The following PRDM5 variants were observed in gnomAD, a reference collection of about 807,000 sequenced individuals.
PRDM5 encodes PR domain zinc finger protein 5.
In PRDM5, 56 loss-of-function variants were observed where a neutral mutation model predicts 81.2. That is an observed-to-expected ratio of 0.69 (90% CI 0.56 to 0.86). The LOEUF (loss-of-function observed/expected upper bound fraction) is 0.86, where lower values mean the gene tolerates loss of function less well. Ranked by LOEUF, PRDM5 falls within the 40% of genes least tolerant of loss-of-function variation. PRDM5 has a pLI of 0.00. For synonymous variants in PRDM5, 267 were observed against 256.4 expected (o/e 1.04, Z -0.39); for missense variants, 697 against 770.1 (o/e 0.91, Z 1.12).
intron 2 of PRDM5, among the ~76,000 whole-genome samples, chr4:120,858,738 C>T (rs1307174628): frequency 6.6e-6 from 1 of 152,152 alleles, no homozygotes; most frequent in African/African-American, 2.4e-5. Flanking sequence ...GAAATACAGG[C>T]ATTTACAGAT....
Position 120,853,536 on chromosome 4 carries a change from C to A in PRDM5, c.182G>T (p.Arg61Leu). The change falls in exon 3 of 16, where the codon CGT (arginine) becomes CTT (leucine). Residue 61 changes from arginine to leucine, a missense_variant. Physicochemically the swap from Arg to Leu is moderately radical, Grantham distance 102. Coordinates refer to ENST00000264808, the MANE Select transcript of PRDM5 (RefSeq NM_018699.4). ...GTACAAAACTTCTCCCTTACTCCCACGAACCTGAAACATTAAAGGCTCCTG... is the reference window on the plus strand; with the variant it reads ...GTACAAAACTTCTCCCTTACTCCCAAGAACCTGAAACATTAAAGGCTCCTG... ...NMDYRLMWEV[R>L]GSKGEVLYIL... 6.2e-7 allele frequency: 1 copy of A among 1,613,532 alleles called. No homozygotes were observed.
chr4:120,785,145 A>G lies in PRDM5; in HGVS notation c.1189-54T>C, dbSNP rs577025933. On this transcript the variant is annotated intron_variant, in intron 10 of 15. Transcript: ENST00000264808. ...GATCTAGAATCAACCAGTCATTACA[A>G]TGAACGAGTGGAGCTTGGATTCATG... 90 of 1,337,192 alleles carry G rather than the reference A, an allele frequency of 6.7e-5. 2 individuals are homozygous for G. The South Asian group carries it at 9.8e-4, about 15-fold the overall frequency. 82.8% of individuals were successfully genotyped at this position (1,337,192 alleles called of 1,614,324 possible).
At chr4:120,788,993 T>C (rs1750167854) in intron 10 of PRDM5, among the ~76,000 whole-genome samples, 1 of 152,222 alleles carries the variant, frequency 6.6e-6, no homozygotes, top group Non-Finnish European at 1.5e-5. Flanking sequence ...TCAAGCTTTT[T>C]TAAAGGTACT....
At chr4:120,745,580 A>G (rs1257286895) in intron 14 of PRDM5, among the ~76,000 whole-genome samples, 1 of 146,440 alleles carries the variant, frequency 6.8e-6, no homozygotes, top group Non-Finnish European at 1.5e-5. Flanking sequence ...CAACTTCAGC[A>G]AAGTCTCAGG....
chr4:120,820,433 C>T (rs907648690), intron 4 of PRDM5, among the ~76,000 whole-genome samples: 1 of 152,230 alleles, frequency 6.6e-6, no homozygotes, highest in African/African-American at 2.4e-5. Flanking sequence ...AGGCCTATTA[C>T]AAAATGTGAA....
chr4:120,706,949 T>C (rs1228531111), intron 15 of PRDM5, among the ~76,000 whole-genome samples: 1 of 151,452 alleles, frequency 6.6e-6, no homozygotes, highest in African/African-American at 2.4e-5. Context: ...CAAGGAAAAG[T>C]CCAGGATCAG....
At chr4:120,753,597 T>G (rs1366600178) in intron 14 of PRDM5, among the ~76,000 whole-genome samples, 2 of 152,148 alleles carry the variant, frequency 1.3e-5, no homozygotes, top group Admixed American at 1.3e-4. Flanking sequence ...ATTATTATTA[T>G]GTGTTTTCTC....
chr4:120,824,867 A>T (rs768443289), intron 3 of PRDM5, among the ~76,000 whole-genome samples: 1 of 152,204 alleles, frequency 6.6e-6, no homozygotes, highest in Non-Finnish European at 1.5e-5. Context: ...TATGTAAACA[A>T]TGGTGTTAAT....
intron 14 of PRDM5, among the ~76,000 whole-genome samples, chr4:120,742,807 T>C (rs1019675311): frequency 3.3e-5 from 5 of 151,946 alleles, no homozygotes; most frequent in East Asian, 1.9e-4. Context: ...GTCTGATTGG[T>C]GTACCTGAAA....
intron 15 of PRDM5, among the ~76,000 whole-genome samples, chr4:120,703,158 G>A (rs1339239555): frequency 1.3e-4 from 19 of 151,954 alleles, no homozygotes. Context: ...GTAATTGCAT[G>A]TTAATTCATG....
intron 14 of PRDM5, among the ~76,000 whole-genome samples, chr4:120,735,377 T>C (rs779189057): frequency 6.6e-5 from 10 of 152,174 alleles, no homozygotes; most frequent in Non-Finnish European, 1.2e-4. Flanking sequence ...ACATTATTCA[T>C]ATGTTCAAAT....
chr4:120,817,289 T>C (rs1291481459), intron 5 of PRDM5, among the ~76,000 whole-genome samples: 2 of 152,308 alleles, frequency 1.3e-5, no homozygotes, highest in Admixed American at 6.5e-5. Flanking sequence ...AGCACAATTT[T>C]CATCTCAATT....
At chr4:120,891,013 T>C (rs913940333) in intron 2 of PRDM5, among the ~76,000 whole-genome samples, 3 of 152,296 alleles carry the variant, frequency 2.0e-5, no homozygotes, top group South Asian at 2.1e-4. Flanking sequence ...TTTGATGCAA[T>C]TGGTTATCAC....
intron 2 of PRDM5, among the ~76,000 whole-genome samples, chr4:120,867,997 A>G (rs912684644): frequency 6.6e-6 from 1 of 152,224 alleles, no homozygotes; most frequent in African/African-American, 2.4e-5. Context: ...GATTTTAAAT[A>G]TGGGTATTAT....
chr4:120,857,749 G>C (rs1760049818), intron 2 of PRDM5, among the ~76,000 whole-genome samples: 1 of 152,174 alleles, frequency 6.6e-6, no homozygotes, highest in Non-Finnish European at 1.5e-5. Context: ...GAGCAGGGGA[G>C]AGAGATACAA....
chr4:120,816,292 T>C (rs528888504), intron 7 of PRDM5, 161 bp downstream of exon 7: 112 of 1,064,054 alleles, frequency 1.1e-4, no homozygotes, highest in Admixed American at 7.0e-4. Flanking sequence ...GAGAAAGAAA[T>C]AGTGTTCAGT....
At chr4:120,893,805 G>C (rs1764328421) in intron 2 of PRDM5, among the ~76,000 whole-genome samples, 1 of 152,080 alleles carries the variant, frequency 6.6e-6, no homozygotes, top group Admixed American at 6.5e-5. Flanking sequence ...TTCTAGTAAT[G>C]TTTCTTCCTT....
At chr4:120,846,735 A>G (rs1023925504) in intron 3 of PRDM5, among the ~76,000 whole-genome samples, 3 of 152,170 alleles carry the variant, frequency 2.0e-5, no homozygotes, top group African/African-American at 7.2e-5. Context: ...AAAATCCAAT[A>G]AAGTAAGCAT....
In PRDM5 at chr4:120,777,042, G is replaced by A; in HGVS notation, c.1537+146C>T. ...CCAAATTCTTCTAGATGAAAAAACT[G>A]GGTTGTACAATGCTTTAAGAGAGAG... On this transcript the variant is annotated intron_variant, in intron 13 of 15. Transcript: ENST00000264808. The A allele has an allele frequency of 2.7e-6, 4 of 1,459,302 alleles. No homozygotes were observed. In the South Asian group the frequency reaches 5.4e-5, roughly 20 times the overall value. 90.4% of individuals were successfully genotyped at this position (1,459,302 alleles called of 1,614,324 possible). A position where few individuals can be genotyped will look rare whatever the true frequency, so the allele number is the denominator to read the frequency against.
Sources: allele counts gnomAD v4.1 joint callset (sites outside exome capture counted in the v4.1 genomes callset), GRCh38; gene constraint gnomAD v4.1.1; transcripts MANE v1.5; gene names NCBI Gene and HGNC (gene_info 2026-07-23, HGNC 2026-07-21).